The following NUBPL variants were observed in gnomAD, a reference collection of about 807,000 sequenced individuals.
NUBPL encodes the protein NUBP iron-sulfur cluster assembly factor, mitochondrial, also known as iron-sulfur cluster transfer protein NUBPL.
NUBPL carries 31 observed loss-of-function variants against 45.7 expected under a neutral mutation model. That is an observed-to-expected ratio of 0.68 (90% CI 0.51 to 0.92). The LOEUF (loss-of-function observed/expected upper bound fraction) is 0.92. NUBPL is among the 40% of genes least tolerant of loss of function. The pLI, the probability that NUBPL is intolerant of heterozygous loss-of-function variation, is 0.00. For synonymous variants in NUBPL, 144 were observed against 140.9 expected (o/e 1.02, Z -0.15); for missense variants, 401 against 398.7 (o/e 1.01, Z -0.05).
intron 4 of NUBPL, among the ~76,000 whole-genome samples, chr14:31,670,057 A>G (rs2036536215): frequency 6.6e-6 from 1 of 152,094 alleles, no homozygotes; most frequent in Non-Finnish European, 1.5e-5. Flanking sequence ...GAATTGCCAT[A>G]TGCTTTCCAG....
intron 4 of NUBPL, among the ~76,000 whole-genome samples, chr14:31,632,519 A>AGT (rs2035372299): frequency 6.6e-6 from 1 of 152,222 alleles, no homozygotes; most frequent in Non-Finnish European, 1.5e-5. Flanking sequence ...GCTAGGTTGG[A>AGT]GTAGCTGCCT....
chr14:31,645,411 T>C (rs2035820684), intron 4 of NUBPL, among the ~76,000 whole-genome samples: 1 of 152,218 alleles, frequency 6.6e-6, no homozygotes, highest in Non-Finnish European at 1.5e-5. Flanking sequence ...GTCTTATTTC[T>C]TTGTCTCTTC....
chr14:31,798,058 T>G (rs1305142139), intron 7 of NUBPL, among the ~76,000 whole-genome samples: 3 of 148,886 alleles, frequency 2.0e-5, no homozygotes, highest in South Asian at 2.1e-4. Flanking sequence ...TGTTGAATAT[T>G]GGCCCCCACT....
intron 4 of NUBPL, among the ~76,000 whole-genome samples, chr14:31,633,329 G>A (rs8006654): frequency 1.9e-3 from 296 of 152,182 alleles, no homozygotes; most frequent in Middle Eastern, 6.8e-3. Context: ...AACATATAAC[G>A]TATTCTAAAA....
At chr14:31,601,941 T>C (rs112013210) in intron 4 of NUBPL, among the ~76,000 whole-genome samples, 2 of 152,336 alleles carry the variant, frequency 1.3e-5, no homozygotes, top group African/African-American at 4.8e-5. Flanking sequence ...CGTGCACACG[T>C]ATGTTTACTG....
intron 6 of NUBPL, among the ~76,000 whole-genome samples, chr14:31,696,365 G>C (rs2037214769): frequency 6.6e-6 from 1 of 152,116 alleles, no homozygotes; most frequent in Non-Finnish European, 1.5e-5. Context: ...CACTGTTCTG[G>C]ATGCTAGCAT....
At chr14:31,747,493 C>T (rs935461532) in intron 6 of NUBPL, among the ~76,000 whole-genome samples, 10 of 152,130 alleles carry the variant, frequency 6.6e-5, no homozygotes, top group African/African-American at 2.4e-4. Flanking sequence ...TCTTATTACT[C>T]ATTATTGGCC....
intron 3 of NUBPL, among the ~76,000 whole-genome samples, chr14:31,594,659 C>G (rs2034235762): frequency 6.6e-6 from 1 of 152,062 alleles, no homozygotes; most frequent in Non-Finnish European, 1.5e-5. Flanking sequence ...TCTCTTATCA[C>G]CTTGTTAACC....
At chr14:31,736,441 T>G (rs1435784279) in intron 6 of NUBPL, among the ~76,000 whole-genome samples, 2 of 152,192 alleles carry the variant, frequency 1.3e-5, no homozygotes, top group African/African-American at 4.8e-5. Flanking sequence ...TATTTATTAG[T>G]TTTGCCTGCC....
At chr14:31,802,905 T>C (rs1177437895) in intron 7 of NUBPL, among the ~76,000 whole-genome samples, 1 of 152,224 alleles carries the variant, frequency 6.6e-6, no homozygotes, top group Admixed American at 6.5e-5. Context: ...ATTTCAGTCA[T>C]TGTTTAAAGT....
intron 6 of NUBPL, among the ~76,000 whole-genome samples, chr14:31,747,951 C>A (rs774051111): frequency 5.3e-5 from 8 of 151,890 alleles, no homozygotes; most frequent in Non-Finnish European, 1.0e-4. Context: ...GGTAAACTTT[C>A]CTCTTAGAAC....
chr14:31,707,965 C>A (rs1298816340), intron 6 of NUBPL, among the ~76,000 whole-genome samples: 1 of 152,152 alleles, frequency 6.6e-6, no homozygotes, highest in Non-Finnish European at 1.5e-5. Context: ...GACATGTGGT[C>A]TGTGGGATCC....
At chr14:31,749,214 CTT>C (rs1021534998) in intron 6 of NUBPL, among the ~76,000 whole-genome samples, 13 of 151,932 alleles carry the variant, frequency 8.6e-5, no homozygotes, top group African/African-American at 2.9e-4. Flanking sequence ...TTTTTCCTCT[CTT>C]GTTTATCTTT....
At chr14:31,673,462 T>C (rs1374933156) in intron 5 of NUBPL, 22 bp from the exon 6 acceptor site, 1 of 1,610,228 alleles carries the variant, frequency 6.2e-7, no homozygotes, top group East Asian at 2.2e-5. Flanking sequence ...AAATTAGTTG[T>C]ATTTTTATGT....
intron 4 of NUBPL, among the ~76,000 whole-genome samples, chr14:31,635,568 T>C (rs1325514632): frequency 1.3e-5 from 2 of 152,042 alleles, no homozygotes; most frequent in Non-Finnish European, 1.5e-5. Flanking sequence ...GACTTGGCGA[T>C]GTGGGCTCTT....
At chr14:31,798,559 G>C (rs183054254) in intron 7 of NUBPL, among the ~76,000 whole-genome samples, 1 of 151,442 alleles carries the variant, frequency 6.6e-6, no homozygotes, top group African/African-American at 2.4e-5. Flanking sequence ...TTGAGAGGCC[G>C]AGGCGGGTGG....
At chr14:31,838,481 A>C (rs1366643101) in intron 8 of NUBPL, among the ~76,000 whole-genome samples, 1 of 152,168 alleles carries the variant, frequency 6.6e-6, no homozygotes, top group African/African-American at 2.4e-5. Flanking sequence ...TGGACACAAA[A>C]ATATATATTG....
At chr14:31,577,923 T>TAGATTGGTTCTA in intron 3 of NUBPL, 1 of 1,282,414 alleles carries the variant, frequency 7.8e-7, no homozygotes, top group Non-Finnish European at 1.0e-6. Flanking sequence ...TTCATATGTT[T>TAGATTGGTTCTA]ATCTCATGCC....
intron 9 of NUBPL, among the ~76,000 whole-genome samples, chr14:31,848,958 T>G (rs118074070): frequency 6.6e-6 from 1 of 152,224 alleles, no homozygotes; most frequent in Non-Finnish European, 1.5e-5. Context: ...ACATTTTTGC[T>G]GCTTGCTCCT....
Sources: allele counts gnomAD v4.1 joint callset (sites outside exome capture counted in the v4.1 genomes callset), GRCh38; gene constraint gnomAD v4.1.1; transcripts MANE v1.5; gene names NCBI Gene and HGNC (gene_info 2026-07-23, HGNC 2026-07-21).